Variants in CPNE8 observed in about 807,000 individuals in gnomAD.
CPNE8 encodes copine 8, also known as copine-8.
CPNE8 carries 45 observed loss-of-function variants against 81.5 expected under a neutral mutation model. The observed-to-expected ratio is 0.55, with a 90% CI of 0.44 to 0.71. CPNE8 has a LOEUF of 0.71. Ranked by LOEUF, CPNE8 falls within the 30% of genes least tolerant of loss-of-function variation. CPNE8 has a pLI of 0.00. For synonymous variants in CPNE8, 252 were observed against 226.3 expected (o/e 1.11, Z -1.02); for missense variants, 594 against 672.1 (o/e 0.88, Z 1.28).
Position 38,700,273 on chromosome 12 carries a change from C to G in CPNE8, c.961+2602G>C, listed in dbSNP as rs189778927. On this transcript the variant is annotated intron_variant, in intron 14 of 19. Coordinates refer to ENST00000331366, the MANE Select transcript of CPNE8 (RefSeq NM_153634.3). Reference sequence around the variant, plus strand: ...TTTTTTTTTGAGATGGAGTCTTGCTCTGTCACCCAAGCTGGAGTGCAACGG... The same window carrying G: ...TTTTTTTTTGAGATGGAGTCTTGCTGTGTCACCCAAGCTGGAGTGCAACGG... 4.0e-3 allele frequency among the ~76,000 whole-genome samples: 529 copies of G among 131,086 alleles called. 6 individuals are homozygous for G. Among genetic ancestry groups the G allele is most frequent in the African/African-American group, 0.014 (500 of 35,186 alleles). 86.0% of individuals were successfully genotyped at this position (131,086 alleles called of 152,430 possible).
intron 8 of CPNE8, among the ~76,000 whole-genome samples, chr12:38,762,614 A>G (rs1941595214): frequency 6.6e-6 from 1 of 152,222 alleles, no homozygotes; most frequent in African/African-American, 2.4e-5. Context: ...TAAGAAAGAG[A>G]AGAGAAACTG....
intron 6 of CPNE8, among the ~76,000 whole-genome samples, chr12:38,779,511 G>GA (rs944500097): frequency 1.3e-5 from 2 of 152,132 alleles, no homozygotes; most frequent in African/African-American, 2.4e-5. Flanking sequence ...GAGTGAAAGA[G>GA]AAAAAAATGT....
intron 10 of CPNE8, among the ~76,000 whole-genome samples, chr12:38,744,889 C>T (rs1392178336): frequency 1.3e-5 from 2 of 152,186 alleles, no homozygotes; most frequent in Admixed American, 6.5e-5. Flanking sequence ...TCTTACCTTT[C>T]CTACCAACCT....
intron 6 of CPNE8, among the ~76,000 whole-genome samples, chr12:38,819,698 C>T (rs1943083205): frequency 7.2e-6 from 1 of 138,822 alleles, no homozygotes; most frequent in East Asian, 2.2e-4. Flanking sequence ...ACCCGGGAGG[C>T]GGACCTTGCA....
intron 8 of CPNE8, 125 bp downstream of exon 8, chr12:38,767,510 T>A: frequency 1.8e-6 from 1 of 562,900 alleles, no homozygotes; most frequent in Non-Finnish European, 2.9e-6. Flanking sequence ...AAAAATCATA[T>A]CAATTTTTAA....
intron 15 of CPNE8, among the ~76,000 whole-genome samples, chr12:38,689,408 A>G (rs1399198192): frequency 6.6e-6 from 1 of 152,214 alleles, no homozygotes; most frequent in Non-Finnish European, 1.5e-5. Context: ...AGCCTGTGAC[A>G]GTTTTCAGCA....
intron 3 of CPNE8, among the ~76,000 whole-genome samples, chr12:38,854,799 C>T (rs1943705046): frequency 6.6e-6 from 1 of 151,920 alleles, no homozygotes; most frequent in African/African-American, 2.4e-5. Flanking sequence ...ATGAAAAGCC[C>T]ACAGCTAACA....
At chr12:38,888,307 T>C (rs1272443579) in intron 1 of CPNE8, among the ~76,000 whole-genome samples, 5 of 152,224 alleles carry the variant, frequency 3.3e-5, no homozygotes, top group Admixed American at 3.3e-4. Flanking sequence ...TCTTTATCTA[T>C]ATGCAAGGTT....
intron 13 of CPNE8, among the ~76,000 whole-genome samples, chr12:38,713,501 T>G (rs538086052): frequency 6.6e-6 from 1 of 152,164 alleles, no homozygotes; most frequent in Admixed American, 6.5e-5. Context: ...GTGGAGAGAG[T>G]AAGATCGCAA....
intron 8 of CPNE8, among the ~76,000 whole-genome samples, chr12:38,764,616 CAAAAAAAAAAAAAAAA>C (rs1247038606): frequency 2.2e-5 from 1 of 45,094 alleles, no homozygotes; most frequent in South Asian, 7.3e-4. Context: ...GACTCCGTCT[CAAAAAAAAAAAAAAAA>C]AAAAAAAGAA....
In CPNE8 at chr12:38,860,657, T is replaced by C. The variant is rs554897181; in HGVS notation, c.187-11995A>G. Among the ~76,000 whole-genome samples, 6 of 152,156 alleles carry C rather than the reference T, an allele frequency of 3.9e-5. No homozygotes were observed. The East Asian group carries it at 1.2e-3, about 29-fold the overall frequency. On this transcript the variant is annotated intron_variant, in intron 3 of 19. Coordinates refer to ENST00000331366, the MANE Select transcript of CPNE8 (RefSeq NM_153634.3). Reference sequence around the variant, plus strand: ...ATAGTCTACATACCATGGGACATGATTCAGCCTTTAAAAGGAAGGAAATCA... The same window carrying C: ...ATAGTCTACATACCATGGGACATGACTCAGCCTTTAAAAGGAAGGAAATCA...
chr12:38,710,895 A>G (rs974093841), intron 13 of CPNE8, among the ~76,000 whole-genome samples: 1 of 151,718 alleles, frequency 6.6e-6, no homozygotes, highest in Non-Finnish European at 1.5e-5. Flanking sequence ...ATTCTTTCCC[A>G]CTCTACTACC....
intron 8 of CPNE8, among the ~76,000 whole-genome samples, chr12:38,763,237 G>C (rs1364012430): frequency 6.6e-6 from 1 of 152,198 alleles, no homozygotes; most frequent in Non-Finnish European, 1.5e-5. Flanking sequence ...AGGCCAGACA[G>C]TCATTCTGCA....
At chr12:38,799,553 A>G (rs980437811) in intron 6 of CPNE8, among the ~76,000 whole-genome samples, 23 of 152,208 alleles carry the variant, frequency 1.5e-4, no homozygotes, top group Non-Finnish European at 2.4e-4. Context: ...AGCAGTGTGT[A>G]GAGGGAAATT....
intron 1 of CPNE8, among the ~76,000 whole-genome samples, chr12:38,901,076 C>A (rs1944454894): frequency 1.3e-5 from 2 of 152,086 alleles, no homozygotes; most frequent in Non-Finnish European, 2.9e-5. Flanking sequence ...CAAAAATTAG[C>A]TGGGCGTGGT....
In CPNE8 at chr12:38,799,094, A is replaced by G. The variant is rs1360022764; in HGVS notation, c.408-22793T>C. Among the ~76,000 whole-genome samples, 5 of 152,162 alleles carry G rather than the reference A, an allele frequency of 3.3e-5. 1 individual carries two copies. The highest frequency in any genetic ancestry group is 1.2e-4 in the African/African-American group (5 of 41,420). On this transcript the variant is annotated intron_variant, in intron 6 of 19. Transcript: ENST00000331366. ...AAGAGACTTAGACTCCCACACAATA[A>G]TAATGGGAGACTTTAACACCCCACT...
intron 1 of CPNE8, among the ~76,000 whole-genome samples, chr12:38,904,403 C>T (rs1043303078): frequency 5.3e-5 from 8 of 151,710 alleles, no homozygotes; most frequent in African/African-American, 1.7e-4. Context: ...GGCAACTAAC[C>T]GAAAGGTCAG....
intron 1 of CPNE8, among the ~76,000 whole-genome samples, chr12:38,880,082 G>C (rs960089145): frequency 1.3e-5 from 2 of 152,118 alleles, no homozygotes; most frequent in Non-Finnish European, 1.5e-5. Context: ...TTTATAAGTA[G>C]AGCCAAACAA....
chr12:38,675,774 C>T lies in CPNE8; in HGVS notation c.1375G>A (p.Ala459Thr). The change falls in exon 18 of 20, where the codon GCC becomes ACC. Residue 459 changes from alanine (A) to threonine (T), a missense_variant and splice_region_variant. Transcript: ENST00000331366. ...MAQTKESIVN[A>T]SKLPMSIIIV... The stretch of plus-strand genomic sequence containing the variant: ...ATTATTGACATTGGAAGTTTTGAGG[C>T]CTTCAAAGAGAATATACAATTAGGT... The T allele has an allele frequency of 6.3e-7, 1 of 1,591,382 alleles. No homozygotes were observed. The highest frequency in any genetic ancestry group is 8.6e-7 in the Non-Finnish European group (1 of 1,159,998).
Sources: gnomAD v4.1 joint callset for allele counts (sites outside exome capture counted in the v4.1 genomes callset) on GRCh38, gnomAD v4.1.1 for gene constraint, MANE v1.5 for transcripts, NCBI Gene and HGNC (gene_info 2026-07-23, HGNC 2026-07-21) for gene names.